NKTR: variants seen among roughly 807,000 people sequenced by gnomAD.
NKTR encodes NK-tumor recognition protein.
A neutral mutation model predicts 156.3 loss-of-function variants in NKTR; 67 were observed. That is an observed-to-expected ratio of 0.43 (90% CI 0.35 to 0.53). NKTR has a LOEUF of 0.53. Among genes scored for constraint, NKTR ranks in the 20% least tolerant of loss-of-function variants. The pLI, the probability that NKTR is intolerant of heterozygous loss-of-function variation, is 0.01. For synonymous variants in NKTR, 640 were observed against 596.6 expected (o/e 1.07, Z -1.06); for missense variants, 1,604 against 1,730.9 (o/e 0.93, Z 1.30).
intron 10 of NKTR, 133 bp downstream of exon 10, chr3:42,633,868 G>T: frequency 1.1e-6 from 1 of 939,406 alleles, no homozygotes. Context: ...GGGAGTATTA[G>T]ATTAATGAAT....
chr3:42,613,239 T>C (rs1467032936), intron 2 of NKTR, among the ~76,000 whole-genome samples: 1 of 152,176 alleles, frequency 6.6e-6, no homozygotes, highest in Non-Finnish European at 1.5e-5. Flanking sequence ...TGTGAGCTTC[T>C]TGAAACTTAG....
At position 42,601,006 on chromosome 3, in the gene NKTR, G is replaced by T. The variant is rs773657695; in HGVS notation, c.-1G>T. ...CAGCTCTTGCCGCCACCTCGGTCGC[G>T]ATGGGGGCGCAGGACCGGCCGCAGT... is the stretch of plus-strand genomic sequence containing the variant. On this transcript the variant is annotated 5_prime_UTR_variant, in exon 2 of 17. Transcript: ENST00000232978. 7 of 1,567,054 alleles carry T rather than the reference G, an allele frequency of 4.5e-6. No individual in the cohort carries two copies. Among genetic ancestry groups the T allele is most frequent in the Non-Finnish European group, 6.0e-6 (7 of 1,159,172 alleles).
chr3:42,644,978 T>TTGTG (rs35077404), intron 16 of NKTR, among the ~76,000 whole-genome samples: 2,333 of 150,892 alleles, frequency 0.015, 27 homozygotes, highest in African/African-American at 0.037. Context: ...TTTTGTGTCT[T>TTGTG]TGTGTGTGTG....
At chr3:42,632,947 TTTAAA>T in intron 9 of NKTR, 124 bp downstream of exon 9, 1 of 1,320,124 alleles carries the variant, frequency 7.6e-7, no homozygotes, top group Non-Finnish European at 9.7e-7. Context: ...CTTTTTAAAC[TTTAAA>T]TTGAAATCTG....
At position 42,638,923 on chromosome 3, in the gene NKTR, G is replaced by A. The variant is rs1298953830; in HGVS notation, c.3219G>A (p.Val1073=). The A allele has an allele frequency of 1.2e-6, 2 of 1,607,188 alleles. No individual in the cohort carries two copies. Among genetic ancestry groups the A allele is most frequent in the Non-Finnish European group, 1.7e-6 (2 of 1,173,892 alleles). The change falls in exon 13 of 17, where the codon GTG becomes GTA. Residue 1073 remains valine, a synonymous_variant. Coordinates refer to ENST00000232978, the MANE Select transcript of NKTR (RefSeq NM_005385.4). ...EEDLSGKHDT[V]TVSSDLDQFT... is the part of the protein sequence containing the mutation. ...ACCTTTCAGGTAAACATGATACAGT[G>A]ACTGTTTCATCAGATCTTGATCAGT...
At chr3:42,611,978 A>G (rs546287427) in intron 2 of NKTR, among the ~76,000 whole-genome samples, 4 of 152,148 alleles carry the variant, frequency 2.6e-5, no homozygotes, top group Admixed American at 2.6e-4. Flanking sequence ...GCATGCTCCT[A>G]TGTTCCCATC....
At chr3:42,615,793 A>G (rs976427143) in intron 2 of NKTR, among the ~76,000 whole-genome samples, 1 of 152,200 alleles carries the variant, frequency 6.6e-6, no homozygotes, top group African/African-American at 2.4e-5. Flanking sequence ...GGACTGATCA[A>G]AATACATTTA....
intron 5 of NKTR, chr3:42,620,598 G>C: frequency 1.0e-6 from 1 of 984,498 alleles, no homozygotes; most frequent in African/African-American, 1.7e-5. Flanking sequence ...CTGTGTTTCT[G>C]TTTGTTCTGA....
In NKTR at chr3:42,638,508, C is replaced by T. The variant is rs35770315; in HGVS notation, c.2804C>T (p.Ser935Leu). 47,973 of 1,611,380 alleles carry T rather than the reference C, an allele frequency of 0.03. 1,397 individuals are homozygous for T. Among genetic ancestry groups the T allele is most frequent in the East Asian group, 0.12 (5,483 of 44,856 alleles). Residue 935 changes from serine (S) to leucine (L), a missense_variant, in exon 13 of 17, where the codon TCG becomes TTG. This residue lies in a region of NKTR where 1,255 missense variants were observed against 1,243.7 expected (regional missense o/e 1.01). Coordinates refer to ENST00000232978, the MANE Select transcript of NKTR (RefSeq NM_005385.4). ...ATCAAAGTCAAACCCACAACCAAGTCGTCCACAAATACTTCACTGCCTGAT... is the reference window on the plus strand; with the variant it reads ...ATCAAAGTCAAACCCACAACCAAGTTGTCCACAAATACTTCACTGCCTGAT... ...IHIKVKPTTK[S>L]STNTSLPDDN...
intron 16 of NKTR, among the ~76,000 whole-genome samples, chr3:42,644,349 A>T (rs923008958): frequency 5.9e-5 from 9 of 152,080 alleles, no homozygotes; most frequent in Non-Finnish European, 5.9e-5. Flanking sequence ...CCAGTTTCTC[A>T]TTTTTTTTAA....
At position 42,601,015 on chromosome 3, in the gene NKTR, G is replaced by T. The variant is rs1415198700; in HGVS notation, c.9G>T (p.Ala3=). The change falls in exon 2 of 17, where the codon GCG becomes GCT. Residue 3 remains alanine (A), a synonymous_variant. Coordinates refer to ENST00000232978, the MANE Select transcript of NKTR (RefSeq NM_005385.4). The part of the protein sequence containing the change: MG[A]QDRPQCHFDI... ...CCGCCACCTCGGTCGCGATGGGGGC[G>T]CAGGACCGGCCGCAGTGCCACTTCG... The T allele has an allele frequency of 1.3e-6, 2 of 1,575,030 alleles. No individual in the cohort carries two copies. Among genetic ancestry groups the T allele is most frequent in the Non-Finnish European group, 1.7e-6 (2 of 1,163,264 alleles).
chr3:42,624,912 T>TTGAG (rs1278880377), intron 6 of NKTR, among the ~76,000 whole-genome samples: 1 of 152,140 alleles, frequency 6.6e-6, no homozygotes, highest in Non-Finnish European at 1.5e-5. Flanking sequence ...ATGAAAAAGA[T>TTGAG]TGAGTAAATA....
Position 42,638,981 on chromosome 3 carries a change from C to T in NKTR, c.3277C>T (p.Pro1093Ser). ...AGATGATAGTAAACTCAGTATTTCT[C>T]CCACAGCTTTAAATACTGAGGAAAA... ...TKDDSKLSISPTALNTEENVA... is the reference protein window; with the variant it reads ...TKDDSKLSISSTALNTEENVA... The change falls in exon 13 of 17, where the codon CCC becomes TCC. Residue 1093 changes from proline to serine, a missense_variant. Transcript: ENST00000232978. 6.2e-7 allele frequency: 1 copy of T among 1,613,322 alleles called. No homozygotes were observed. The highest frequency in any genetic ancestry group is 1.1e-5 in the South Asian group (1 of 90,888).
chr3:42,637,905 A>T lies in NKTR; in HGVS notation c.2201A>T (p.Asp734Val). 1 of 1,614,142 alleles carries T rather than the reference A, an allele frequency of 6.2e-7. No homozygotes were observed. ...TCTCATTCACGAAATAAATACAGTG[A>T]TCATTCACAGTGTAGTAGATCATCT... ...SRSHSRNKYS[D>V]HSQCSRSSSY... is the part of the protein sequence containing the mutation. The change falls in exon 13 of 17, where the codon GAT becomes GTT. Residue 734 changes from aspartate (D) to valine (V), a missense_variant. Asp to Val is a radical substitution (Grantham distance 152). Coordinates refer to ENST00000232978, the MANE Select transcript of NKTR (RefSeq NM_005385.4).
intron 2 of NKTR, among the ~76,000 whole-genome samples, chr3:42,610,792 T>C (rs1468724555): frequency 1.3e-5 from 2 of 152,210 alleles, no homozygotes; most frequent in African/African-American, 2.4e-5. Flanking sequence ...TTTTCATCTT[T>C]TGCTGTGCTC....
chr3:42,633,474 G>GT, intron 9 of NKTR, 106 bp from the exon 10 acceptor site: 1 of 1,475,130 alleles, frequency 6.8e-7, no homozygotes, highest in African/African-American at 1.4e-5. Context: ...AGTGAGACTT[G>GT]TAAGCTATCG....
chr3:42,601,952 A>C, intron 2 of NKTR: 1 of 152,362 alleles, frequency 6.6e-6, no homozygotes, highest in East Asian at 1.9e-4. Context: ...GGAAAAAAAT[A>C]ACAGTGACTT....
At chr3:42,620,963 TAC>T (rs1707850429) in intron 5 of NKTR, 1 of 920,010 alleles carries the variant, frequency 1.1e-6, no homozygotes, top group African/African-American at 1.8e-5. Flanking sequence ...TTTTTTGTCT[TAC>T]AGTCTAGCTT....
intron 9 of NKTR, 145 bp from the exon 10 acceptor site, chr3:42,633,435 C>T: frequency 7.1e-7 from 1 of 1,410,740 alleles, no homozygotes; most frequent in Non-Finnish European, 9.2e-7. Flanking sequence ...TGATATTGTT[C>T]TCTTTGTGAA....
Sources: allele counts gnomAD v4.1 joint callset (sites outside exome capture counted in the v4.1 genomes callset), GRCh38; gene constraint gnomAD v4.1.1; regional missense constraint gnomAD v4.1.1; transcripts MANE v1.5; gene names NCBI Gene and HGNC (gene_info 2026-07-23, HGNC 2026-07-21).